PYY: variants seen among roughly 807,000 people sequenced by gnomAD.
PYY encodes the protein peptide tyrosine tyrosine.
Under a neutral mutation model 10.3 loss-of-function variants are expected in PYY, and 12 were observed. The ratio of observed to expected loss-of-function variants is 1.17; its 90% CI spans 0.75 to 1.89. The LOEUF is 1.89. PYY is among the 40% of genes most tolerant of loss of function. The pLI, the probability that PYY is intolerant of heterozygous loss-of-function variation, is 0.00. For missense variants in PYY, 141 were observed against 134.0 expected (o/e 1.05, Z -0.26); for synonymous variants, 66 against 62.0 (o/e 1.06, Z -0.30).
chr17:43,994,216 T>A (rs567089357), intron 1 of PYY, among the ~76,000 whole-genome samples: 2 of 152,140 alleles, frequency 1.3e-5, no homozygotes, highest in Non-Finnish European at 2.9e-5. Context: ...CCCCTCTGTC[T>A]GTTCCCACTG....
In PYY at chr17:43,976,224, T is replaced by TGTATAC. The variant is rs1402592224; in HGVS notation, c.-462-9693_-462-9692insGTATAC. Reference sequence around the variant, plus strand: ...ATATACATATACGTATATGTATACATATATACATATGCGTATATATACACA... The same window carrying TGTATAC: ...ATATACATATACGTATATGTATACATGTATACATATACATATGCGTATATATACACA... On this transcript the variant is annotated intron_variant, in intron 1 of 6. Coordinates refer to the PYY transcript ENST00000360085. 5.7e-4 allele frequency among the ~76,000 whole-genome samples: 82 copies of TGTATAC among 143,962 alleles called. 2 individuals are homozygous for TGTATAC. The highest frequency in any genetic ancestry group is 3.1e-3 in the East Asian group (15 of 4,840). 94.4% of individuals were successfully genotyped at this position (143,962 alleles called of 152,430 possible).
chr17:43,985,780 T>C (rs952486901), intron 1 of PYY, among the ~76,000 whole-genome samples: 1 of 152,220 alleles, frequency 6.6e-6, no homozygotes, highest in African/African-American at 2.4e-5. Flanking sequence ...AAATGAGGTG[T>C]AATATTCCAA....
Position 43,965,747 on chromosome 17 carries a change from C to A in PYY, c.-218+541G>T, listed in dbSNP as rs562663290. Among the ~76,000 whole-genome samples, 221 of 131,538 alleles carry A rather than the reference C, an allele frequency of 1.7e-3. 1 individual carries two copies. Among genetic ancestry groups the A allele is most frequent in the African/African-American group, 6.0e-3 (210 of 35,284 alleles). 86.3% of individuals were successfully genotyped at this position (131,538 alleles called of 152,430 possible). ...AGGTTTCAGTGAGCCGAGATCATGC[C>A]ACCACACTCCAGCCTGGGCAACAGA... On this transcript the variant is annotated intron_variant, in intron 2 of 6. Coordinates refer to the PYY transcript ENST00000360085.
rs1237439757 is a variant in PYY, at chr17:43,989,296, C to A, written c.-463+15095G>T. 2.0e-5 allele frequency among the ~76,000 whole-genome samples: 3 copies of A among 152,014 alleles called. No homozygotes were observed. In the East Asian group the frequency reaches 5.9e-4, roughly 30 times the overall value. ...GGCTGAGGCAGGAGAATGGTGTGAA[C>A]CCAGGAGGCAGAGCTTGCAGTGAGC... On this transcript the variant is annotated intron_variant, in intron 1 of 6. Transcript: ENST00000360085.
intron 1 of PYY, among the ~76,000 whole-genome samples, chr17:43,971,391 G>A (rs2048791921): frequency 6.6e-6 from 1 of 151,994 alleles, no homozygotes; most frequent in Non-Finnish European, 1.5e-5. Flanking sequence ...CCAGTATGGT[G>A]AAACCCCATC....
intron 1 of PYY, among the ~76,000 whole-genome samples, chr17:43,997,342 T>C (rs2048998298): frequency 6.6e-6 from 1 of 151,998 alleles, no homozygotes; most frequent in Non-Finnish European, 1.5e-5. Context: ...CCTGGCCGGG[T>C]GTTCCAATTT....
intron 1 of PYY, among the ~76,000 whole-genome samples, chr17:43,982,442 G>A (rs776549560): frequency 4.6e-5 from 7 of 152,236 alleles, no homozygotes; most frequent in Non-Finnish European, 8.8e-5. Flanking sequence ...ACTCATGTAC[G>A]CCACTTAACT....
intron 1 of PYY, among the ~76,000 whole-genome samples, chr17:43,967,211 G>A (rs940209226): frequency 3.3e-5 from 5 of 152,176 alleles, no homozygotes; most frequent in African/African-American, 1.2e-4. Flanking sequence ...GCTGAGGCAG[G>A]AGAATCACCA....
intron 1 of PYY, among the ~76,000 whole-genome samples, chr17:44,000,802 G>A (rs527484269): frequency 1.4e-4 from 21 of 151,864 alleles, no homozygotes; most frequent in African/African-American, 4.6e-4. Flanking sequence ...TGATCCGCCC[G>A]CCTCAGCCTC....
At chr17:43,998,961 A>G (rs568567083) in intron 1 of PYY, among the ~76,000 whole-genome samples, 1 of 152,324 alleles carries the variant, frequency 6.6e-6, no homozygotes, top group East Asian at 1.9e-4. Flanking sequence ...GGCTGAAATT[A>G]AAAACATGAC....
chr17:43,972,836 C>G (rs1259197289), intron 1 of PYY, among the ~76,000 whole-genome samples: 1 of 152,210 alleles, frequency 6.6e-6, no homozygotes, highest in African/African-American at 2.4e-5. Context: ...CCTGCCTCAG[C>G]CTCCCAGGTA....
intron 1 of PYY, among the ~76,000 whole-genome samples, chr17:43,972,843 G>C (rs560140107): frequency 6.6e-6 from 1 of 151,918 alleles, no homozygotes; most frequent in African/African-American, 2.4e-5. Flanking sequence ...CAGCCTCCCA[G>C]GTAGCTGGGA....
chr17:43,998,194 C>T (rs1180736377), intron 1 of PYY, among the ~76,000 whole-genome samples: 2 of 151,926 alleles, frequency 1.3e-5, no homozygotes, highest in Non-Finnish European at 2.9e-5. Context: ...CCACTTTGGC[C>T]TCCCAAAGTA....
In PYY at chr17:43,976,247, A is replaced by G. The variant is rs12938737; in HGVS notation, c.-462-9715T>C. 1.3e-4 allele frequency among the ~76,000 whole-genome samples: 16 copies of G among 122,760 alleles called. 1 individual carries two copies. The highest frequency in any genetic ancestry group is 2.5e-4 in the Non-Finnish European group (14 of 54,934). 80.5% of individuals were successfully genotyped at this position (122,760 alleles called of 152,430 possible). ...CATATATACATATGCGTATATATACACATATGTATACATGTATACATGTAC... is the reference window on the plus strand; with the variant it reads ...CATATATACATATGCGTATATATACGCATATGTATACATGTATACATGTAC... On this transcript the variant is annotated intron_variant, in intron 1 of 6. Coordinates refer to the PYY transcript ENST00000360085.
intron 2 of PYY, among the ~76,000 whole-genome samples, chr17:43,964,060 T>G (rs979719990): frequency 2.2e-5 from 3 of 139,048 alleles, no homozygotes; most frequent in African/African-American, 8.0e-5. Context: ...TTCTTTTTTT[T>G]GGGGCAGTGT....
At chr17:43,961,997 T>G (rs2048715644) in intron 2 of PYY, among the ~76,000 whole-genome samples, 1 of 151,992 alleles carries the variant, frequency 6.6e-6, no homozygotes, top group Non-Finnish European at 1.5e-5. Flanking sequence ...CACGCATCTT[T>G]TCCTTTCACT....
At chr17:43,990,690 C>T (rs1296005472) in intron 1 of PYY, among the ~76,000 whole-genome samples, 2 of 151,668 alleles carry the variant, frequency 1.3e-5, no homozygotes, top group African/African-American at 4.8e-5. Flanking sequence ...CTAATAACAG[C>T]ATATTTGATA....
rs574824235 is a variant in PYY, at chr17:44,004,151, C to T, written c.-463+240G>A. On this transcript the variant is annotated intron_variant, in intron 1 of 6. Transcript: ENST00000360085. ...TACCCAGTGACTGGAGTTTGGCAAA[C>T]CCTGGTAACCTCATGGTCATTCATT... 1.6e-4 allele frequency among the ~76,000 whole-genome samples: 25 copies of T among 152,184 alleles called. No individual in the cohort carries two copies. In the South Asian group the frequency reaches 5.0e-3, roughly 30 times the overall value.
At chr17:43,963,557 G>A (rs374089288) in intron 2 of PYY, among the ~76,000 whole-genome samples, 1 of 119,028 alleles carries the variant, frequency 8.4e-6, no homozygotes, top group African/African-American at 3.4e-5. Context: ...GGGAAGGAAG[G>A]AAGGAAGGAA....
Sources: allele counts gnomAD v4.1 joint callset (sites outside exome capture counted in the v4.1 genomes callset), GRCh38; gene constraint gnomAD v4.1.1; transcripts MANE v1.5; gene names NCBI Gene and HGNC (gene_info 2026-07-23, HGNC 2026-07-21).